CLSTN2: variants seen among roughly 807,000 people sequenced by gnomAD.
CLSTN2 encodes the protein calsyntenin 2.
CLSTN2 carries 48 observed loss-of-function variants against 101.2 expected under a neutral mutation model. The observed-to-expected ratio is 0.47, with a 90% CI of 0.38 to 0.60. CLSTN2 has a LOEUF of 0.60. Ranked by LOEUF, CLSTN2 falls within the 20% of genes least tolerant of loss-of-function variation. The pLI is 0.00. For missense variants in CLSTN2, 1,160 were observed against 1,238.2 expected (o/e 0.94, Z 0.95); for synonymous variants, 481 against 463.6 (o/e 1.04, Z -0.48).
At chr3:140,023,512 C>T (rs10935364) in intron 1 of CLSTN2, among the ~76,000 whole-genome samples, 83,768 of 151,950 alleles carry the variant, frequency 0.55, 24,872 homozygotes, top group South Asian at 0.73. Context: ...AACACAGGAA[C>T]GCACTTTCCT....
intron 2 of CLSTN2, among the ~76,000 whole-genome samples, chr3:140,381,355 G>A (rs2087980721): frequency 6.6e-6 from 1 of 152,086 alleles, no homozygotes; most frequent in Admixed American, 6.5e-5. Context: ...TCTGAAGTTA[G>A]GACTTCAACA....
In CLSTN2 at chr3:140,162,710, A is replaced by G. The variant is rs113515746; in HGVS notation, c.110-13241A>G. On this transcript the variant is annotated intron_variant, in intron 1 of 16. Coordinates refer to ENST00000458420, the MANE Select transcript of CLSTN2 (RefSeq NM_022131.3). ...AGGAGTCAGAGCTGGGGAAATGCAC[A>G]TAACAGTTCACATAAATAACAAGCA... Among the ~76,000 whole-genome samples, 358 of 152,294 alleles carry G rather than the reference A, an allele frequency of 2.4e-3. 2 individuals are homozygous for G. The highest frequency in any genetic ancestry group is 8.4e-3 in the African/African-American group (351 of 41,564).
intron 1 of CLSTN2, among the ~76,000 whole-genome samples, chr3:139,963,258 C>G (rs1935541352): frequency 1.3e-5 from 2 of 152,160 alleles, no homozygotes; most frequent in Non-Finnish European, 2.9e-5. Context: ...CCAGACCCCT[C>G]CCTGTTTTTC....
At chr3:140,217,675 A>G (rs1161246765) in intron 2 of CLSTN2, among the ~76,000 whole-genome samples, 1 of 152,250 alleles carries the variant, frequency 6.6e-6, no homozygotes, top group African/African-American at 2.4e-5. Flanking sequence ...TTTGTGGCAT[A>G]TATGACACAT....
chr3:140,144,498 C>T (rs2009752087), intron 1 of CLSTN2, among the ~76,000 whole-genome samples: 1 of 152,074 alleles, frequency 6.6e-6, no homozygotes, highest in African/African-American at 2.4e-5. Context: ...TGCCTATAAT[C>T]CCAGCTACTC....
intron 6 of CLSTN2, among the ~76,000 whole-genome samples, chr3:140,457,029 A>C (rs941639263): frequency 6.6e-6 from 1 of 152,132 alleles, no homozygotes; most frequent in African/African-American, 2.4e-5. Flanking sequence ...CTAAGGTATT[A>C]ATTGAAGTGT....
intron 8 of CLSTN2, among the ~76,000 whole-genome samples, chr3:140,485,754 C>T (rs1934227816): frequency 6.6e-6 from 1 of 152,100 alleles, no homozygotes; most frequent in Admixed American, 6.5e-5. Flanking sequence ...ACCCTCCGAG[C>T]CATGCGCAGG....
At chr3:140,441,753 T>A (rs756382226) in intron 5 of CLSTN2, among the ~76,000 whole-genome samples, 1 of 152,256 alleles carries the variant, frequency 6.6e-6, no homozygotes, top group Non-Finnish European at 1.5e-5. Context: ...GTCACTCCCT[T>A]CCGCAAAGGC....
chr3:139,979,959 T>A (rs1393847272), intron 1 of CLSTN2, among the ~76,000 whole-genome samples: 1 of 151,968 alleles, frequency 6.6e-6, no homozygotes, highest in Non-Finnish European at 1.5e-5. Context: ...CTCTTGTCTG[T>A]TTCTCTCACT....
At chr3:140,552,685 C>T (rs1320871262) in intron 10 of CLSTN2, among the ~76,000 whole-genome samples, 1 of 152,128 alleles carries the variant, frequency 6.6e-6, no homozygotes, top group African/African-American at 2.4e-5. Context: ...TCATGTGAGG[C>T]TCAGAGACCA....
At chr3:140,221,016 A>G (rs2107852755) in intron 2 of CLSTN2, among the ~76,000 whole-genome samples, 1 of 152,344 alleles carries the variant, frequency 6.6e-6, no homozygotes, top group African/African-American at 2.4e-5. Flanking sequence ...CTGGAGACTC[A>G]TAGACAAGGT....
intron 1 of CLSTN2, among the ~76,000 whole-genome samples, chr3:140,119,981 T>G (rs1380184781): frequency 6.6e-6 from 1 of 152,130 alleles, no homozygotes; most frequent in Non-Finnish European, 1.5e-5. Flanking sequence ...ATTCCTCTAG[T>G]CTTATACCAC....
At chr3:140,551,775 G>T (rs1194508549) in intron 10 of CLSTN2, among the ~76,000 whole-genome samples, 1 of 149,750 alleles carries the variant, frequency 6.7e-6, no homozygotes, top group African/African-American at 2.4e-5. Flanking sequence ...GATGTTGTAA[G>T]AATTTAATTA....
chr3:140,400,772 G>C (rs2088232894), intron 2 of CLSTN2, among the ~76,000 whole-genome samples: 1 of 152,060 alleles, frequency 6.6e-6, no homozygotes, highest in Non-Finnish European at 1.5e-5. Context: ...CAGGACCCTG[G>C]GTGGCTCTTA....
intron 1 of CLSTN2, among the ~76,000 whole-genome samples, chr3:140,160,997 T>C (rs1427352935): frequency 6.6e-6 from 1 of 152,158 alleles, no homozygotes; most frequent in African/African-American, 2.4e-5. Flanking sequence ...TCAAAGCTTA[T>C]TCATTCATCT....
intron 2 of CLSTN2, among the ~76,000 whole-genome samples, chr3:140,185,835 A>C (rs2107833866): frequency 6.6e-6 from 1 of 152,094 alleles, no homozygotes; most frequent in Admixed American, 6.5e-5. Context: ...GATGGGAGGG[A>C]GTGTGTGGTC....
chr3:140,053,580 A>G (rs1224188316), intron 1 of CLSTN2, among the ~76,000 whole-genome samples: 2 of 152,146 alleles, frequency 1.3e-5, no homozygotes, highest in African/African-American at 4.8e-5. Flanking sequence ...TCGCAACAGG[A>G]GCTCAACTGA....
chr3:140,164,182 T>C (rs1299721733), intron 1 of CLSTN2, among the ~76,000 whole-genome samples: 1 of 152,106 alleles, frequency 6.6e-6, no homozygotes, highest in Non-Finnish European at 1.5e-5. Context: ...TTCGAAATGA[T>C]CTTTTTCTGC....
chr3:140,383,531 A>G (rs2088015907), intron 2 of CLSTN2, among the ~76,000 whole-genome samples: 2 of 152,220 alleles, frequency 1.3e-5, no homozygotes, highest in African/African-American at 4.8e-5. Flanking sequence ...GGTAATTCTG[A>G]GCAGCTACAA....
Sources: allele counts gnomAD v4.1 joint callset (sites outside exome capture counted in the v4.1 genomes callset), GRCh38; gene constraint gnomAD v4.1.1; transcripts MANE v1.5; gene names NCBI Gene and HGNC (gene_info 2026-07-23, HGNC 2026-07-21).